Variants in RPL12 observed in about 807,000 individuals in gnomAD.
The protein encoded by RPL12 is ribosomal protein L12, also known as large ribosomal subunit protein uL11.
Under a neutral mutation model 24.5 loss-of-function variants are expected in RPL12, and 10 were observed. The observed-to-expected ratio is 0.41, with a 90% confidence interval of 0.25 to 0.69. RPL12 has a LOEUF of 0.69. RPL12 is among the 30% of genes least tolerant of loss of function. RPL12 has a pLI of 0.33. For synonymous variants in RPL12, 74 were observed against 76.1 expected (o/e 0.97, Z 0.14); for missense variants, 137 against 205.3 (o/e 0.67, Z 2.03).
In RPL12 at chr9:127,449,564, C is replaced by G. The variant is rs763686785; in HGVS notation, c.210+46G>C. 15 of 1,526,264 alleles carry G rather than the reference C, an allele frequency of 9.8e-6. No individual in the cohort carries two copies. In the Admixed American group the frequency reaches 2.4e-4, roughly 24 times the overall value. 94.5% of individuals were successfully genotyped at this position (1,526,264 alleles called of 1,614,324 possible). A position where few individuals can be genotyped will look rare whatever the true frequency, so the allele number is the denominator to read the frequency against. On this transcript the variant is annotated intron_variant, in intron 3 of 6. Coordinates refer to ENST00000361436, the MANE Select transcript of RPL12 (RefSeq NM_000976.4). ...CTTCAGGAATCCCAGAGGGTTGCTA[C>G]CTGTCCCCCCACCCTCCTCTCCCGA...
intron 2 of RPL12, 117 bp from the exon 3 acceptor site, chr9:127,449,825 T>C (rs977114915): frequency 1.3e-6 from 1 of 751,554 alleles, no homozygotes. Flanking sequence ...TAAGGGCACC[T>C]TCTCAATCAG....
intron 1 of RPL12, chr9:127,451,019 A>C (rs2247303): frequency 6.2e-6 from 4 of 642,962 alleles, no homozygotes; most frequent in Non-Finnish European, 7.9e-6. Flanking sequence ...ACCCAGGCCA[A>C]TGGGGCGAAA....
intron 5 of RPL12, 41 bp from the exon 6 acceptor site, chr9:127,448,030 G>T (rs543644686): frequency 6.4e-7 from 1 of 1,569,374 alleles, no homozygotes; most frequent in Non-Finnish European, 8.6e-7. Context: ...TGCTGGCTCA[G>T]TCCCTCACAA....
intron 5 of RPL12, 24 bp from the exon 6 acceptor site, chr9:127,448,013 T>C (rs780464808): frequency 1.1e-5 from 17 of 1,587,602 alleles, no homozygotes; most frequent in Non-Finnish European, 1.4e-5. Context: ...AATGGTGGCA[T>C]TGGAGGTGCT....
At chr9:127,448,120 T>C (rs986878668) in intron 5 of RPL12, 131 bp from the exon 6 acceptor site, 1 of 1,198,868 alleles carries the variant, frequency 8.3e-7, no homozygotes, top group African/African-American at 1.5e-5. Context: ...TAATATAGAA[T>C]ATAGAGTTCC....
At chr9:127,449,819 G>C in intron 2 of RPL12, 111 bp from the exon 3 acceptor site, 1 of 787,286 alleles carries the variant, frequency 1.3e-6, no homozygotes, top group Non-Finnish European at 2.2e-6. Context: ...AGTACCTAAG[G>C]GCACCTTCTC....
At chr9:127,449,988 TAAG>T in intron 2 of RPL12, 1 of 363,090 alleles carries the variant, frequency 2.8e-6, no homozygotes, top group South Asian at 3.4e-5. Flanking sequence ...TAGAATCACC[TAAG>T]GAGCTTTCAA....
At chr9:127,447,785 G>A in intron 6 of RPL12, 59 bp from the exon 7 acceptor site, 1 of 1,612,612 alleles carries the variant, frequency 6.2e-7, no homozygotes, top group African/African-American at 1.3e-5. Context: ...CACCCCACCA[G>A]TAACCATTTC....
In RPL12 at chr9:127,447,927, G is replaced by A. The variant is rs749800249; in HGVS notation, c.442C>T (p.Pro148Ser). 1.9e-6 allele frequency: 3 copies of A among 1,613,826 alleles called. No individual in the cohort carries two copies. Among genetic ancestry groups the A allele is most frequent in the Non-Finnish European group, 2.5e-6 (3 of 1,179,954 alleles). Residue 148 changes from proline (P) to serine (S), a missense_variant, in exon 6 of 7, where the codon CCT (proline) becomes TCT (serine). By Grantham distance (74) the Pro-to-Ser change is moderately conservative. Transcript: ENST00000361436. ...TTGATGTCATCGATGATGTCATGAG[G>A]ATGGCGGCCATCAACATTACAGCCC... ...SVGCNVDGRH[P>S]HDIIDDINSG... is the part of the protein sequence containing the mutation.
intron 4 of RPL12, 125 bp from the exon 5 acceptor site, chr9:127,448,548 C>G (rs754636743): frequency 3.8e-6 from 3 of 785,658 alleles, no homozygotes; most frequent in African/African-American, 3.4e-5. Flanking sequence ...GAAGAACAAC[C>G]CTGTTTCCTA....
chr9:127,450,958 A>AGTC, intron 1 of RPL12, 154 bp from the exon 2 acceptor site: 1 of 682,164 alleles, frequency 1.5e-6, no homozygotes, highest in South Asian at 1.9e-5. Flanking sequence ...GGGTGTGGGC[A>AGTC]GCTCCGAAAC....
At position 127,448,074 on chromosome 9, in the gene RPL12, T is replaced by C. The variant is rs551827559; in HGVS notation, c.380-85A>G. ...TACTGGGGAATACTGAAGGGGTTCA[T>C]AGCAGGCAATGGAAGGAATGAGGTT... is the stretch of plus-strand genomic sequence containing the variant. On this transcript the variant is annotated intron_variant, in intron 5 of 6. Transcript: ENST00000361436. 1,007 of 1,453,966 alleles carry C rather than the reference T, an allele frequency of 6.9e-4. 1 individual carries two copies. Among genetic ancestry groups the C allele is most frequent in the Admixed American group, 7.6e-4 (31 of 41,012 alleles). The allele number at this position is 1,453,966 out of a possible 1,614,324, so 90.1% of individuals were successfully genotyped here. A position where few individuals can be genotyped will look rare whatever the true frequency, so the allele number is the denominator to read the frequency against.
Position 127,449,643 on chromosome 9 carries a change from T to C in RPL12, c.177A>G (p.Thr59=), listed in dbSNP as rs768537136. The stretch of plus-strand genomic sequence containing the variant: ...GTCTGTTCTGAATGGTCAGTTTCAC[T>C]GTAATCCTCAGGCCCTTCCAGTCAC... ...ATGDWKGLRI[T]VKLTIQNRQA... is the part of the protein sequence containing the mutation. The change falls in exon 3 of 7, where the codon ACA becomes ACG. Residue 59 remains threonine (T), a synonymous_variant. Transcript: ENST00000361436. 1.9e-5 allele frequency: 30 copies of C among 1,614,088 alleles called. No homozygotes were observed. Among genetic ancestry groups the C allele is most frequent in the African/African-American group, 8.0e-5 (6 of 74,934 alleles).
intron 5 of RPL12, 75 bp downstream of exon 5, chr9:127,448,262 C>G (rs577450869): frequency 1.4e-4 from 181 of 1,260,078 alleles, no homozygotes; most frequent in Middle Eastern, 2.3e-4. Context: ...GAGCACCCTT[C>G]AAGTAAGAAG....
intron 2 of RPL12, 194 bp from the exon 3 acceptor site, chr9:127,449,902 T>C: frequency 1.7e-6 from 1 of 590,030 alleles, no homozygotes; most frequent in South Asian, 1.9e-5. Flanking sequence ...AACTGCAGAC[T>C]TGGCCACAAT....
chr9:127,451,337 G>A lies in RPL12; in HGVS notation c.-20C>T, dbSNP rs11542431. 6 of 1,611,682 alleles carry A rather than the reference G, an allele frequency of 3.7e-6. No individual in the cohort carries two copies. Among genetic ancestry groups the A allele is most frequent in the Admixed American group, 1.7e-5 (1 of 60,006 alleles). The stretch of plus-strand genomic sequence containing the variant: ...CGGCATGGTGGAGGCGGCTGGTGTC[G>A]GATGAACCCGGATTCGGGACGACCG... On this transcript the variant is annotated 5_prime_UTR_variant, in exon 1 of 7. Coordinates refer to ENST00000361436, the MANE Select transcript of RPL12 (RefSeq NM_000976.4).
rs1460835817 is a variant in RPL12, at chr9:127,448,448, CT to C, written c.293-26del. The C allele has an allele frequency of 2.0e-6, 3 of 1,523,430 alleles. No individual in the cohort carries two copies. The South Asian group carries it at 3.4e-5, about 17-fold the overall frequency. The allele number at this position is 1,523,430 out of a possible 1,614,324, so 94.4% of individuals were successfully genotyped here. On this transcript the variant is annotated intron_variant, in intron 4 of 6. Transcript: ENST00000361436. ...ACTGCAGAAGAGGAAACAGCAAAAG[CT>C]CTTTTAAAGTCTGAAGCCAAAGCAG...
intron 1 of RPL12, 86 bp downstream of exon 1, chr9:127,451,195 G>A (rs1320471940): frequency 1.3e-6 from 2 of 1,536,102 alleles, no homozygotes; most frequent in Admixed American, 1.9e-5. Flanking sequence ...GCGGCTTTAA[G>A]AGCCCCATAC....
chr9:127,449,730 C>A, intron 2 of RPL12, 22 bp from the exon 3 acceptor site: 1 of 1,581,932 alleles, frequency 6.3e-7, no homozygotes, highest in South Asian at 1.1e-5. Context: ...GGCATGTAAT[C>A]AACATGGTGT....
Sources: allele counts gnomAD v4.1 joint callset, GRCh38; gene constraint gnomAD v4.1.1; transcripts MANE v1.5; gene names NCBI Gene and HGNC (gene_info 2026-07-23, HGNC 2026-07-21).